The following VPS8 variants were observed in gnomAD, a reference collection of about 807,000 sequenced individuals.
VPS8 encodes vacuolar protein sorting-associated protein 8 homolog.
A neutral mutation model predicts 216.4 loss-of-function variants in VPS8; 129 were observed. That is an observed-to-expected ratio of 0.60 (90% CI 0.52 to 0.69). The LOEUF is 0.69. Ranked by LOEUF, VPS8 falls within the 30% of genes least tolerant of loss-of-function variation. The probability of loss-of-function intolerance (pLI) is 0.00; values close to 1 mark genes in which losing one functional copy is unlikely to be tolerated. For synonymous variants in VPS8, 571 were observed against 565.4 expected (o/e 1.01, Z -0.14); for missense variants, 1,531 against 1,683.5 (o/e 0.91, Z 1.59).
In VPS8 at chr3:184,967,693, C is replaced by A. The variant is rs182481562; in HGVS notation, c.3316+980C>A. ...CTCTACTAAAAATACAAAAATTAGT[C>A]GGGTGTGGTGGCACACACCTGTAGT... On this transcript the variant is annotated intron_variant, in intron 39 of 47. Coordinates refer to ENST00000625842, the MANE Select transcript of VPS8 (RefSeq NM_001009921.3). Among the ~76,000 whole-genome samples the A allele has an allele frequency of 2.0e-5, 3 of 152,002 alleles. No homozygotes were observed. In the East Asian group the frequency reaches 5.8e-4, roughly 29 times the overall value.
At position 184,862,903 on chromosome 3, in the gene VPS8, A is replaced by C; in HGVS notation, c.1231A>C (p.Asn411His). 6.2e-7 allele frequency: 1 copy of C among 1,610,952 alleles called. No individual in the cohort carries two copies. Among genetic ancestry groups the C allele is most frequent in the Non-Finnish European group, 8.5e-7 (1 of 1,178,154 alleles). ...TTGTGTGCTTGAATTACAGTGGATA[A>C]ATTCACGCACAGTTGTGCTCTTAGA... is the stretch of plus-strand genomic sequence containing the variant. ...YYDLINFTWI[N>H]SRTVVLLDSV... Residue 411 changes from asparagine (N) to histidine (H), a missense_variant, in exon 16 of 48, where the codon AAT becomes CAT. Asn to His is a moderately conservative substitution (Grantham distance 68). Coordinates refer to ENST00000625842, the MANE Select transcript of VPS8 (RefSeq NM_001009921.3).
At chr3:184,929,512 T>C (rs1210607913) in intron 32 of VPS8, 68 bp from the exon 33 acceptor site, 2 of 897,510 alleles carry the variant, frequency 2.2e-6, no homozygotes, top group Non-Finnish European at 1.8e-6. Flanking sequence ...TACTAACCTG[T>C]GTGCCAGAGC....
intron 14 of VPS8, among the ~76,000 whole-genome samples, chr3:184,858,969 C>G (rs926044192): frequency 2.6e-5 from 4 of 152,058 alleles, no homozygotes; most frequent in Non-Finnish European, 2.9e-5. Context: ...GTTTAAAATT[C>G]CCATTAAAAG....
intron 21 of VPS8, among the ~76,000 whole-genome samples, chr3:184,875,056 C>CTT (rs5855044): frequency 1.1e-3 from 106 of 100,272 alleles, no homozygotes; most frequent in Non-Finnish European, 1.3e-3. Flanking sequence ...GTTTTTAAAA[C>CTT]TTTTTTTTTT....
At chr3:184,961,888 T>A (rs1209358474) in intron 37 of VPS8, among the ~76,000 whole-genome samples, 1 of 152,120 alleles carries the variant, frequency 6.6e-6, no homozygotes, top group Non-Finnish European at 1.5e-5. Context: ...TACCTCAGCC[T>A]CCCAAGTTGC....
chr3:185,044,003 A>G (rs545084311), intron 46 of VPS8, among the ~76,000 whole-genome samples: 11 of 152,264 alleles, frequency 7.2e-5, no homozygotes, highest in African/African-American at 2.2e-4. Context: ...CAGCCTGACT[A>G]ATATGATGAA....
intron 45 of VPS8, among the ~76,000 whole-genome samples, chr3:185,020,484 T>TG (rs1756492062): frequency 1.3e-5 from 2 of 150,510 alleles, no homozygotes; most frequent in African/African-American, 2.5e-5. Flanking sequence ...TTTTTTTTTT[T>TG]GCATTTAAAA....
intron 45 of VPS8, among the ~76,000 whole-genome samples, chr3:185,002,614 C>G (rs188724461): frequency 2.0e-5 from 3 of 152,084 alleles, no homozygotes; most frequent in Admixed American, 1.3e-4. Context: ...GTCCTTCCCC[C>G]CTCCCTGAGT....
chr3:184,924,981 G>A lies in VPS8; in HGVS notation c.2574G>A (p.Gln858=), dbSNP rs777601399. 1 of 1,613,120 alleles carries A rather than the reference G, an allele frequency of 6.2e-7. No homozygotes were observed. Among genetic ancestry groups the A allele is most frequent in the Non-Finnish European group, 8.5e-7 (1 of 1,179,556 alleles). Residue 858 remains glutamine, a splice_region_variant and synonymous_variant, in exon 30 of 48, where the codon CAG becomes CAA. Coordinates refer to ENST00000625842, the MANE Select transcript of VPS8 (RefSeq NM_001009921.3). ...TTGTAAACAGAACACTTTTTGATCAGGTAAGTGTCTAGCAGTGAAAACTAA... is the reference window on the plus strand; with the variant it reads ...TTGTAAACAGAACACTTTTTGATCAAGTAAGTGTCTAGCAGTGAAAACTAA... The part of the protein sequence containing the change: ...TLFVNRTLFD[Q]VLEFLCSPDD...
intron 30 of VPS8, 119 bp downstream of exon 30, chr3:184,925,100 C>G: frequency 6.6e-6 from 9 of 1,373,506 alleles, no homozygotes; most frequent in Non-Finnish European, 8.7e-6. Flanking sequence ...AAGGAGAGGC[C>G]TGTTCAGGTT....
intron 15 of VPS8, among the ~76,000 whole-genome samples, chr3:184,860,465 A>G (rs1726124737): frequency 2.6e-5 from 2 of 78,004 alleles, no homozygotes; most frequent in East Asian, 6.0e-4. Context: ...GTATACACAC[A>G]CATACACACA....
intron 25 of VPS8, among the ~76,000 whole-genome samples, chr3:184,905,088 A>G (rs1410151233): frequency 6.6e-6 from 1 of 152,200 alleles, no homozygotes; most frequent in East Asian, 1.9e-4. Context: ...GAGTGGAAAA[A>G]GAGTGAACCC....
chr3:184,966,998 G>A (rs1008288187), intron 39 of VPS8, among the ~76,000 whole-genome samples: 6 of 145,672 alleles, frequency 4.1e-5, no homozygotes, highest in Non-Finnish European at 7.5e-5. Context: ...ACAGGCTTTC[G>A]CTCTGTTGCC....
At chr3:184,957,888 G>A (rs1745882995) in intron 37 of VPS8, among the ~76,000 whole-genome samples, 1 of 152,206 alleles carries the variant, frequency 6.6e-6, no homozygotes, top group African/African-American at 2.4e-5. Flanking sequence ...ATAGTCAGCT[G>A]TGTTCCCAGA....
chr3:184,819,845 A>T (rs1717170098), intron 1 of VPS8, among the ~76,000 whole-genome samples: 2 of 152,198 alleles, frequency 1.3e-5, no homozygotes, highest in African/African-American at 4.8e-5. Flanking sequence ...GTTGTTTAAC[A>T]CATATTTTGT....
chr3:184,892,595 G>A (rs889234238), intron 22 of VPS8, among the ~76,000 whole-genome samples: 5 of 152,088 alleles, frequency 3.3e-5, no homozygotes, highest in Admixed American at 6.5e-5. Context: ...AGAATTTGTC[G>A]TTGAATATAA....
chr3:184,954,051 C>T (rs568236155), intron 36 of VPS8, among the ~76,000 whole-genome samples: 5 of 152,306 alleles, frequency 3.3e-5, no homozygotes, highest in Admixed American at 1.3e-4. Flanking sequence ...GACCCTCCTC[C>T]GCAGGTTCCA....
At chr3:184,928,117 G>A (rs555769536) in intron 31 of VPS8, among the ~76,000 whole-genome samples, 1 of 152,302 alleles carries the variant, frequency 6.6e-6, no homozygotes, top group South Asian at 2.1e-4. Context: ...AGACATAAAA[G>A]TGAGATAAAA....
chr3:184,826,353 G>A (rs1415703721), intron 3 of VPS8, 122 bp downstream of exon 3: 18 of 562,136 alleles, frequency 3.2e-5, no homozygotes, highest in Non-Finnish European at 4.7e-5. Flanking sequence ...CTAGTCGTGT[G>A]TGTCAGTTTA....
Sources: gnomAD v4.1 joint callset for allele counts (sites outside exome capture counted in the v4.1 genomes callset) on GRCh38, gnomAD v4.1.1 for gene constraint, MANE v1.5 for transcripts, NCBI Gene and HGNC (gene_info 2026-07-23, HGNC 2026-07-21) for gene names.